Variants in KIF1B observed in about 807,000 individuals in gnomAD.
KIF1B encodes kinesin-like protein KIF1B.
KIF1B carries 76 observed loss-of-function variants against 241.9 expected under a neutral mutation model. The ratio of observed to expected loss-of-function variants is 0.31; its 90% CI spans 0.26 to 0.38. The LOEUF is 0.38. Among genes scored for constraint, KIF1B ranks in the 10% least tolerant of loss-of-function variants. The pLI is 1.00. For missense variants in KIF1B, 1,622 were observed against 2,271.4 expected, an observed-to-expected ratio of 0.71 and a Z score of 5.81; for synonymous variants, 750 against 796.7, an observed-to-expected ratio of 0.94 and a Z score of 0.99.
chr1:10,372,098 G>A (rs76175656), intron 45 of KIF1B, among the ~76,000 whole-genome samples: 1,801 of 152,250 alleles, frequency 0.012, 37 homozygotes, highest in African/African-American at 0.04. Context: ...GGCAAAGGTG[G>A]CTGGAGAAAA....
intron 22 of KIF1B, among the ~76,000 whole-genome samples, chr1:10,311,130 T>C (rs891702140): frequency 7.3e-5 from 11 of 151,312 alleles, no homozygotes; most frequent in African/African-American, 2.7e-4. Context: ...GTTTCTCTCC[T>C]GGATTATTCC....
At chr1:10,353,774 G>A (rs1652882065) in intron 38 of KIF1B, among the ~76,000 whole-genome samples, 1 of 152,184 alleles carries the variant, frequency 6.6e-6, no homozygotes. Context: ...TGTGGAGAAA[G>A]AGGGAAGGAG....
chr1:10,215,548 C>T (rs1213389897), intron 1 of KIF1B, among the ~76,000 whole-genome samples: 2 of 150,584 alleles, frequency 1.3e-5, no homozygotes, highest in African/African-American at 4.9e-5. Flanking sequence ...CTACCATTGC[C>T]CGTTTTTTTC....
intron 38 of KIF1B, among the ~76,000 whole-genome samples, chr1:10,355,146 T>A (rs928148519): frequency 2.6e-5 from 4 of 152,208 alleles, no homozygotes; most frequent in Non-Finnish European, 5.9e-5. Flanking sequence ...CTCTTATGTC[T>A]GGCATTTTCC....
intron 11 of KIF1B, among the ~76,000 whole-genome samples, chr1:10,275,933 G>C (rs1307857955): frequency 1.4e-5 from 2 of 145,926 alleles, no homozygotes; most frequent in Non-Finnish European, 3.0e-5. Context: ...TTGAGATGGA[G>C]TTCGTGCTGT....
At chr1:10,349,473 G>A (rs570424455) in intron 37 of KIF1B, among the ~76,000 whole-genome samples, 1 of 152,060 alleles carries the variant, frequency 6.6e-6, no homozygotes, top group Non-Finnish European at 1.5e-5. Context: ...CTAATTGTGA[G>A]CTTGCATTTT....
rs77047759 is a variant in KIF1B at position 10,320,665 on chromosome 1, C to G, written c.2209+529C>G. Among the ~76,000 whole-genome samples the G allele has an allele frequency of 2.6e-5, 4 of 152,350 alleles. No homozygotes were observed. In the East Asian group the frequency reaches 7.7e-4, roughly 29 times the overall value. ...TTTCTACCCAACCTCTTGGCAATCT[C>G]AAGGCTTCAAACTAACTTTGAAGGA... is the stretch of plus-strand genomic sequence containing the variant. On this transcript the variant is annotated intron_variant, in intron 23 of 48. Transcript: ENST00000676179.
At chr1:10,255,007 G>A (rs973992158) in intron 2 of KIF1B, among the ~76,000 whole-genome samples, 4 of 151,536 alleles carry the variant, frequency 2.6e-5, no homozygotes, top group African/African-American at 9.7e-5. Flanking sequence ...GGAGTGCAGT[G>A]CATTAATATC....
At chr1:10,258,859 A>G (rs984568740) in intron 4 of KIF1B, among the ~76,000 whole-genome samples, 187 bp downstream of exon 4, 9 of 152,170 alleles carry the variant, frequency 5.9e-5, no homozygotes, top group African/African-American at 2.2e-4. Flanking sequence ...ACATGTACAC[A>G]TGTCTGTCAT....
At chr1:10,342,669 C>T (rs1652443620) in intron 33 of KIF1B, among the ~76,000 whole-genome samples, 1 of 152,080 alleles carries the variant, frequency 6.6e-6, no homozygotes, top group Admixed American at 6.5e-5. Context: ...TCTCTATTAT[C>T]TGGTATTATG....
At chr1:10,246,295 T>C (rs1012782683) in intron 2 of KIF1B, among the ~76,000 whole-genome samples, 4 of 152,206 alleles carry the variant, frequency 2.6e-5, no homozygotes, top group African/African-American at 4.8e-5. Flanking sequence ...ATAGGCCACA[T>C]ATATCAATCA....
At chr1:10,278,921 C>T in intron 13 of KIF1B, 176 bp from the exon 14 acceptor site, 1 of 495,280 alleles carries the variant, frequency 2.0e-6, no homozygotes, top group Non-Finnish European at 3.7e-6. Context: ...TAGTTTAATT[C>T]TTCTTATTGA....
intron 2 of KIF1B, among the ~76,000 whole-genome samples, chr1:10,233,299 G>A (rs1232095594): frequency 6.6e-6 from 1 of 152,112 alleles, no homozygotes; most frequent in Admixed American, 6.6e-5. Flanking sequence ...ACAGATAAGG[G>A]CTTGCAACAA....
chr1:10,353,394 C>T (rs1472201812), intron 38 of KIF1B, among the ~76,000 whole-genome samples: 2 of 152,168 alleles, frequency 1.3e-5, no homozygotes, highest in Non-Finnish European at 2.9e-5. Context: ...AAGTACATAG[C>T]CATTCTGCTT....
chr1:10,324,964 A>T lies in KIF1B; in HGVS notation c.2675+69A>T, dbSNP rs899967357. ...AGTTTTAAGTGTTTAAAACCTGAGC[A>T]GATAATATAAAAAGTTAAGAGGAAA... On this transcript the variant is annotated intron_variant, in intron 26 of 48. Transcript: ENST00000676179. 1.9e-6 allele frequency: 3 copies of T among 1,572,158 alleles called. No individual in the cohort carries two copies. The African/African-American group carries it at 4.1e-5, about 21-fold the overall frequency.
At chr1:10,251,877 C>CT (rs1250613348) in intron 2 of KIF1B, among the ~76,000 whole-genome samples, 1 of 152,078 alleles carries the variant, frequency 6.6e-6, no homozygotes. Context: ...CCTCAGAGGG[C>CT]ATGCCTTGTG....
At position 10,303,019 on chromosome 1, in the gene KIF1B, TTTG is replaced by T. The variant is rs1650618483; in HGVS notation, c.2115+5776_2115+5778del. ...ACATTATTGAGGGGTTTTTTTTGGT[TTTG>T]TTTTGTTTTTTAGTTTTTTTGGTCT... On this transcript the variant is annotated intron_variant, in intron 22 of 48. Transcript: ENST00000676179. This position sits in a 1 kb window ranked among gnomAD's most constrained non-coding sequence, Gnocchi z 5.2. The T allele has an allele frequency of 1.1e-6, 1 of 943,934 alleles. No homozygotes were observed. The highest frequency in any genetic ancestry group is 1.7e-5 in the African/African-American group (1 of 59,892). The allele number at this position is 943,934 out of a possible 1,614,324, so 58.5% of individuals were successfully genotyped here. A position where few individuals can be genotyped will look rare whatever the true frequency, so the allele number is the denominator to read the frequency against.
intron 10 of KIF1B, among the ~76,000 whole-genome samples, chr1:10,273,709 C>CAAAAAAAAAAAAAAA (rs56349613): frequency 8.1e-5 from 4 of 49,576 alleles, no homozygotes; most frequent in African/African-American, 3.2e-4. Context: ...TCCTCCTCCT[C>CAAAAAAAAAAAAAAA]AAAAAAAAAA....
chr1:10,371,215 C>G lies in KIF1B; in HGVS notation c.4899C>G (p.Ser1633=). The G allele has an allele frequency of 3.7e-6, 6 of 1,614,090 alleles. No homozygotes were observed. Among genetic ancestry groups the G allele is most frequent in the Non-Finnish European group, 5.1e-6 (6 of 1,179,936 alleles). ...SFSSATLTPS[S]TCPSLVDSRS... Reference sequence around the variant, plus strand: ...GCAGTGCCACCCTCACTCCCTCCTCCACCTGTCCCTCTCTGGTAGACTCTA... The same window carrying G: ...GCAGTGCCACCCTCACTCCCTCCTCGACCTGTCCCTCTCTGGTAGACTCTA... Residue 1633 remains serine (S), a synonymous_variant, in exon 45 of 49, where the codon TCC becomes TCG. Transcript: ENST00000676179.
Sources: gnomAD v4.1 joint callset for allele counts (sites outside exome capture counted in the v4.1 genomes callset) on GRCh38, gnomAD v4.1.1 for gene constraint, Gnocchi (gnomAD v3.1) non-coding constraint, MANE v1.5 for transcripts, NCBI Gene and HGNC (gene_info 2026-07-23, HGNC 2026-07-21) for gene names.